Variants in DYNC1LI1 observed in about 807,000 individuals in gnomAD.
The protein encoded by DYNC1LI1 is dynein cytoplasmic 1 light intermediate chain 1, also known as cytoplasmic dynein 1 light intermediate chain 1.
DYNC1LI1 carries 19 observed loss-of-function variants against 63.8 expected under a neutral mutation model. The observed-to-expected ratio is 0.30, with a 90% CI of 0.21 to 0.44. The LOEUF (loss-of-function observed/expected upper bound fraction) is 0.44, where lower values mean the gene tolerates loss of function less well. Among genes scored for constraint, DYNC1LI1 ranks in the 20% least tolerant of loss-of-function variants. The probability of loss-of-function intolerance (pLI) is 1.00; values close to 1 mark genes in which losing one functional copy is unlikely to be tolerated. For missense variants in DYNC1LI1, 565 were observed against 630.2 expected (o/e 0.90, Z 1.11); for synonymous variants, 225 against 232.3 (o/e 0.97, Z 0.28).
chr3:32,565,032 G>A (rs1379173708), intron 2 of DYNC1LI1, among the ~76,000 whole-genome samples: 1 of 152,134 alleles, frequency 6.6e-6, no homozygotes, highest in Non-Finnish European at 1.5e-5. Flanking sequence ...TCAGCATTTT[G>A]TGGGACTTTT....
In DYNC1LI1 at chr3:32,526,839, G is replaced by A; in HGVS notation, c.1532C>T (p.Pro511Leu). Residue 511 changes from proline to leucine, a missense_variant, in exon 13 of 13, where the codon CCC (proline) becomes CTC (leucine). Physicochemically the swap from Pro to Leu is moderately conservative, Grantham distance 98 (BLOSUM62 -3). Transcript: ENST00000273130. Reference protein sequence around the residue: ...RITRKPVTVSPTTPTSPTEGE... With the variant: ...RITRKPVTVSLTTPTSPTEGE... ...TTCCGTAGGAGATGTAGGTGTTGTG[G>A]GAGAAACTGTAACTGGTTTTCGTGT... 6.2e-7 allele frequency: 1 copy of A among 1,613,854 alleles called. No homozygotes were observed. The highest frequency in any genetic ancestry group is 1.3e-5 in the African/African-American group (1 of 75,010).
In DYNC1LI1 at chr3:32,544,992, T is replaced by C; in HGVS notation, c.452A>G (p.Asp151Gly). The C allele has an allele frequency of 6.2e-7, 1 of 1,614,106 alleles. No homozygotes were observed. Among genetic ancestry groups the C allele is most frequent in the Non-Finnish European group, 8.5e-7 (1 of 1,179,952 alleles). The change falls in exon 4 of 13, where the codon GAC becomes GGC. Residue 151 changes from aspartate to glycine, a missense_variant. Coordinates refer to ENST00000273130, the MANE Select transcript of DYNC1LI1 (RefSeq NM_016141.4). ...CAAAGCAGTCCAAGGCTTTGACATG[T>C]CAACAACCAGCATAACTAGAGTATC... ...LKDTLVMLVV[D>G]MSKPWTALDS...
intron 1 of DYNC1LI1, 56 bp downstream of exon 1, chr3:32,570,569 C>G (rs79383135): frequency 1.6e-5 from 24 of 1,530,966 alleles, no homozygotes; most frequent in Non-Finnish European, 2.0e-5. Context: ...GATCCCGAGG[C>G]GTCCGCGCAA....
intron 2 of DYNC1LI1, among the ~76,000 whole-genome samples, chr3:32,555,864 T>C (rs941534914): frequency 6.6e-6 from 1 of 152,234 alleles, no homozygotes; most frequent in African/African-American, 2.4e-5. Flanking sequence ...TAATTAAATG[T>C]TAATGGTAGA....
chr3:32,553,022 A>G (rs1490351047), intron 2 of DYNC1LI1, among the ~76,000 whole-genome samples: 1 of 152,192 alleles, frequency 6.6e-6, no homozygotes, highest in Non-Finnish European at 1.5e-5. Flanking sequence ...AGCCTCCTAC[A>G]GAGCAGCCAC....
chr3:32,550,160 A>C (rs1001142480), intron 2 of DYNC1LI1, among the ~76,000 whole-genome samples: 14 of 152,222 alleles, frequency 9.2e-5, no homozygotes, highest in African/African-American at 3.4e-4. Context: ...GGCCGGGCAC[A>C]GTGGCTCACG....
chr3:32,527,741 G>A (rs571928770), intron 12 of DYNC1LI1, among the ~76,000 whole-genome samples: 1 of 152,122 alleles, frequency 6.6e-6, no homozygotes, highest in South Asian at 2.1e-4. Flanking sequence ...TAGTCAAAAA[G>A]TAGATGAAAC....
intron 2 of DYNC1LI1, among the ~76,000 whole-genome samples, chr3:32,565,107 G>A (rs1170663304): frequency 6.6e-6 from 1 of 152,030 alleles, no homozygotes; most frequent in East Asian, 1.9e-4. Context: ...TTTCTTTCCG[G>A]GGTGGAATTA....
intron 2 of DYNC1LI1, among the ~76,000 whole-genome samples, chr3:32,557,670 GTAAAA>G (rs1445626270): frequency 1.3e-5 from 2 of 152,084 alleles, no homozygotes; most frequent in South Asian, 2.1e-4. Flanking sequence ...AATAGTTCCA[GTAAAA>G]TAAAATAATT....
chr3:32,541,705 A>C (rs1307476796), intron 4 of DYNC1LI1, among the ~76,000 whole-genome samples: 2 of 152,216 alleles, frequency 1.3e-5, no homozygotes, highest in East Asian at 3.8e-4. Context: ...AACTTAATGA[A>C]ATATTACCAG....
At chr3:32,546,626 T>C (rs547063651) in intron 2 of DYNC1LI1, among the ~76,000 whole-genome samples, 1 of 152,272 alleles carries the variant, frequency 6.6e-6, no homozygotes, top group South Asian at 2.1e-4. Flanking sequence ...CTCTTAGCTT[T>C]CAATCTGAAG....
In DYNC1LI1 at chr3:32,529,758, G is replaced by T. The variant is rs915180687; in HGVS notation, c.1186-98C>A. On this transcript the variant is annotated intron_variant, in intron 10 of 12. Coordinates refer to ENST00000273130, the MANE Select transcript of DYNC1LI1 (RefSeq NM_016141.4). ...AGAAATTACTTTGCAACTATCCCCT[G>T]TTCTACTGGTACTTTTACACTGCAA... 8 of 1,031,440 alleles carry T rather than the reference G, an allele frequency of 7.8e-6. No individual in the cohort carries two copies. In the African/African-American group the frequency reaches 1.1e-4, roughly 15 times the overall value. The allele number at this position is 1,031,440 out of a possible 1,614,324, so 63.9% of individuals were successfully genotyped here. A position where few individuals can be genotyped will look rare whatever the true frequency, so the allele number is the denominator to read the frequency against.
At chr3:32,542,784 T>C (rs1293825335) in intron 4 of DYNC1LI1, among the ~76,000 whole-genome samples, 3 of 152,216 alleles carry the variant, frequency 2.0e-5, no homozygotes, top group African/African-American at 7.2e-5. Flanking sequence ...CTTAAAGTAA[T>C]TATGAGCCAG....
chr3:32,541,801 T>C (rs1182617920), intron 4 of DYNC1LI1, among the ~76,000 whole-genome samples: 2 of 152,174 alleles, frequency 1.3e-5, no homozygotes, highest in Non-Finnish European at 2.9e-5. Context: ...ATCAAGAGAC[T>C]TGAAAATGTA....
At chr3:32,558,598 C>G (rs1235721365) in intron 2 of DYNC1LI1, among the ~76,000 whole-genome samples, 1 of 152,072 alleles carries the variant, frequency 6.6e-6, no homozygotes, top group Admixed American at 6.5e-5. Context: ...GTAATCCCAG[C>G]ACTTTGGGAG....
intron 5 of DYNC1LI1, among the ~76,000 whole-genome samples, chr3:32,539,237 G>A (rs1697844183): frequency 6.6e-6 from 1 of 152,072 alleles, no homozygotes; most frequent in Non-Finnish European, 1.5e-5. Flanking sequence ...GAAAGCAGAT[G>A]GCAGACTTTA....
intron 2 of DYNC1LI1, 43 bp from the exon 3 acceptor site, chr3:32,546,008 C>T (rs1047893794): frequency 1.3e-5 from 17 of 1,341,720 alleles, no homozygotes; most frequent in African/African-American, 8.8e-5. Flanking sequence ...ATTATAACAC[C>T]GATTATTTAA....
At position 32,543,841 on chromosome 3, in the gene DYNC1LI1, G is replaced by T. The variant is rs999612958; in HGVS notation, c.568+1035C>A. On this transcript the variant is annotated intron_variant, in intron 4 of 12. Transcript: ENST00000273130. ...GCACTTTGGGAGTCTGAGCAAGGTG[G>T]ATCGCTTGAGCTCAGGAGTTCAAGA... is the stretch of plus-strand genomic sequence containing the variant. Among the ~76,000 whole-genome samples, 14 of 151,704 alleles carry T rather than the reference G, an allele frequency of 9.2e-5. No individual in the cohort carries two copies. The East Asian group carries it at 2.6e-3, about 28-fold the overall frequency.
At chr3:32,530,034 T>G (rs1697674141) in intron 10 of DYNC1LI1, among the ~76,000 whole-genome samples, 1 of 152,166 alleles carries the variant, frequency 6.6e-6, no homozygotes, top group Admixed American at 6.5e-5. Flanking sequence ...AAAATGGGGC[T>G]AATAACAGTC....
Sources: gnomAD v4.1 joint callset for allele counts (sites outside exome capture counted in the v4.1 genomes callset) on GRCh38, gnomAD v4.1.1 for gene constraint, MANE v1.5 for transcripts, NCBI Gene and HGNC (gene_info 2026-07-23, HGNC 2026-07-21) for gene names.